Variants in ZMYM1 observed in about 807,000 individuals in gnomAD.
The protein encoded by ZMYM1 is zinc finger MYM-type containing 1, also known as zinc finger MYM-type protein 1.
ZMYM1 carries 39 observed loss-of-function variants against 60.0 expected under a neutral mutation model. The observed-to-expected ratio is 0.65, with a 90% CI of 0.50 to 0.85. ZMYM1 has a LOEUF of 0.85. ZMYM1 is among the 40% of genes least tolerant of loss of function. ZMYM1 has a pLI of 0.00. For missense variants in ZMYM1, 1,171 were observed against 1,309.5 expected (o/e 0.89, Z 1.63); for synonymous variants, 413 against 454.0 (o/e 0.91, Z 1.15).
Position 35,097,444 on chromosome 1 carries a change from G to A in ZMYM1, c.297G>A (p.Gly99=), listed in dbSNP as rs1643394648. 1 of 1,614,120 alleles carries A rather than the reference G, an allele frequency of 6.2e-7. No individual in the cohort carries two copies. Among genetic ancestry groups the A allele is most frequent in the East Asian group, 2.2e-5 (1 of 44,876 alleles). ...CAGCKKILQK[G]QTAYQRKGSA... ...GTTGTAAAAAAATTCTCCAGAAGGG[G>A]CAAACTGCTTATCAGAGGAAAGGAT... The change falls in exon 4 of 10, where the codon GGG becomes GGA. Residue 99 remains glycine (G), a synonymous_variant. Coordinates refer to ENST00000359858, the MANE Select transcript of ZMYM1 (RefSeq NM_024772.5).
In ZMYM1 at chr1:35,114,479, C is replaced by A; in HGVS notation, c.2649C>A (p.Thr883=). ...GILSKELQNK[T]IDIFSLSSKI... ...TTTCCAAAGAGCTTCAAAATAAAACCATAGACATTTTTTCTTTGTCTTCAA... is the reference window on the plus strand; with the variant it reads ...TTTCCAAAGAGCTTCAAAATAAAACAATAGACATTTTTTCTTTGTCTTCAA... The change falls in exon 10 of 10, where the codon ACC becomes ACA. Residue 883 remains threonine, a synonymous_variant. Coordinates refer to ENST00000359858, the MANE Select transcript of ZMYM1 (RefSeq NM_024772.5). 6.2e-7 allele frequency: 1 copy of A among 1,612,512 alleles called. No homozygotes were observed. The highest frequency in any genetic ancestry group is 1.1e-5 in the South Asian group (1 of 90,898).
intron 1 of ZMYM1, among the ~76,000 whole-genome samples, chr1:35,080,228 T>G (rs562760600): frequency 6.6e-6 from 1 of 152,158 alleles, no homozygotes; most frequent in East Asian, 1.9e-4. Context: ...TTTCAAACTT[T>G]CCAGTTCCTT....
At chr1:35,071,947 G>A (rs1424050169) in intron 1 of ZMYM1, among the ~76,000 whole-genome samples, 4 of 152,126 alleles carry the variant, frequency 2.6e-5, no homozygotes, top group African/African-American at 4.8e-5. Flanking sequence ...GAACCAGCCT[G>A]ACCAACATGG....
chr1:35,089,570 A>G (rs989211324), intron 1 of ZMYM1, among the ~76,000 whole-genome samples: 1 of 152,120 alleles, frequency 6.6e-6, no homozygotes, highest in African/African-American at 2.4e-5. Context: ...TGGGTCTTTC[A>G]TGTACTAACC....
intron 1 of ZMYM1, among the ~76,000 whole-genome samples, chr1:35,069,042 C>T (rs1407556049): frequency 6.6e-6 from 1 of 152,116 alleles, no homozygotes; most frequent in Non-Finnish European, 1.5e-5. Context: ...CCATGTAGGC[C>T]AGGCTGATCT....
chr1:35,107,111 A>G (rs1210297662), intron 6 of ZMYM1, among the ~76,000 whole-genome samples: 2 of 147,096 alleles, frequency 1.4e-5, no homozygotes, highest in Non-Finnish European at 3.0e-5. Flanking sequence ...TCGGCCTCCC[A>G]AAGTGCTGGG....
intron 4 of ZMYM1, chr1:35,104,093 A>T: frequency 2.3e-6 from 1 of 442,142 alleles, no homozygotes; most frequent in Non-Finnish European, 4.0e-6. Context: ...CTGCACTATT[A>T]GATGTGCTTT....
rs1644198808 is a variant in ZMYM1, at chr1:35,114,371, T to C, written c.2541T>C (p.Ser847=). 6.2e-7 allele frequency: 1 copy of C among 1,612,646 alleles called. No homozygotes were observed. Among genetic ancestry groups the C allele is most frequent in the African/African-American group, 1.3e-5 (1 of 75,022 alleles). ...ATACAAGTTTCGCCGATGAATTGAG[T>C]CATTTGCTGACATTGGTTTCCAAAT... The part of the protein sequence containing the change: ...SSNTSFADEL[S]HLLTLVSKFE... The change falls in exon 10 of 10, where the codon AGT becomes AGC. Residue 847 remains serine (S), a synonymous_variant. Transcript: ENST00000359858.
At chr1:35,100,406 G>T (rs957033029) in intron 4 of ZMYM1, among the ~76,000 whole-genome samples, 3 of 151,812 alleles carry the variant, frequency 2.0e-5, no homozygotes, top group Non-Finnish European at 4.4e-5. Flanking sequence ...AGAATCACTG[G>T]AGGTCAGGAG....
intron 9 of ZMYM1, 76 bp from the exon 10 acceptor site, chr1:35,112,901 A>G (rs1223663400): frequency 7.7e-7 from 1 of 1,297,870 alleles, no homozygotes; most frequent in Non-Finnish European, 1.0e-6. Context: ...TTACTATGTT[A>G]TTAGAGTAGA....
chr1:35,082,169 A>G (rs1402770430), intron 1 of ZMYM1, among the ~76,000 whole-genome samples: 1 of 151,964 alleles, frequency 6.6e-6, no homozygotes, highest in Non-Finnish European at 1.5e-5. Context: ...AATGTTGAAG[A>G]TAAGTGATAA....
At chr1:35,081,854 C>T (rs991576955) in intron 1 of ZMYM1, among the ~76,000 whole-genome samples, 1 of 152,096 alleles carries the variant, frequency 6.6e-6, no homozygotes, top group Non-Finnish European at 1.5e-5. Context: ...CACCACCATG[C>T]CCAGCTAATT....
intron 4 of ZMYM1, chr1:35,097,802 G>A (rs1270290553): frequency 4.0e-6 from 2 of 493,944 alleles, no homozygotes; most frequent in Non-Finnish European, 7.2e-6. Context: ...GCACCACCAC[G>A]CCCGGCTAAT....
At chr1:35,084,898 C>T (rs1569880934) in intron 1 of ZMYM1, among the ~76,000 whole-genome samples, 1 of 151,894 alleles carries the variant, frequency 6.6e-6, no homozygotes, top group East Asian at 1.9e-4. Context: ...CTGTCTCCTG[C>T]TGTTTTCTGC....
Position 35,114,057 on chromosome 1 carries a change from A to G in ZMYM1, c.2227A>G (p.Ile743Val), listed in dbSNP as rs376368645. Reference sequence around the variant, plus strand: ...GAAAGAAGAACCAAGAGCTTTATACATACATTGTTATGCACACTTTTTGGA... The same window carrying G: ...GAAAGAAGAACCAAGAGCTTTATACGTACATTGTTATGCACACTTTTTGGA... ...FKKEEPRALY[I>V]HCYAHFLDLS... Residue 743 changes from isoleucine (I) to valine (V), a missense_variant, in exon 10 of 10, where the codon ATA becomes GTA. By Grantham distance (29) the Ile-to-Val change is conservative. Coordinates refer to ENST00000359858, the MANE Select transcript of ZMYM1 (RefSeq NM_024772.5). The G allele has an allele frequency of 1.6e-4, 265 of 1,610,252 alleles. No individual in the cohort carries two copies. The highest frequency in any genetic ancestry group is 2.1e-4 in the Non-Finnish European group (245 of 1,179,120).
intron 7 of ZMYM1, among the ~76,000 whole-genome samples, chr1:35,111,283 T>C (rs1644077122): frequency 6.6e-6 from 1 of 152,200 alleles, no homozygotes; most frequent in Non-Finnish European, 1.5e-5. Context: ...GCTATTTACA[T>C]AGACCATAGA....
chr1:35,095,454 G>T (rs1244653159), intron 2 of ZMYM1, among the ~76,000 whole-genome samples: 1 of 146,808 alleles, frequency 6.8e-6, no homozygotes, highest in African/African-American at 2.5e-5. Context: ...TCGCGTCACT[G>T]TACTCCAGCC....
chr1:35,117,403 T>A (rs1432059809), downstream of ZMYM1, among the ~76,000 whole-genome samples: 2 of 152,012 alleles, frequency 1.3e-5, no homozygotes, highest in Non-Finnish European at 2.9e-5. Context: ...CACTGCAACC[T>A]CCACCTCGCG....
intron 1 of ZMYM1, among the ~76,000 whole-genome samples, chr1:35,086,578 T>C (rs186806276): frequency 6.6e-6 from 1 of 152,338 alleles, no homozygotes; most frequent in African/African-American, 2.4e-5. Context: ...GTTTTGAGAT[T>C]ATATGTCTGT....
Sources: gnomAD v4.1 joint callset for allele counts (sites outside exome capture counted in the v4.1 genomes callset) on GRCh38, gnomAD v4.1.1 for gene constraint, MANE v1.5 for transcripts, NCBI Gene and HGNC (gene_info 2026-07-23, HGNC 2026-07-21) for gene names.